SLC9A9: variants seen among roughly 807,000 people sequenced by gnomAD.
The protein encoded by SLC9A9 is solute carrier family 9 member A9, also known as sodium/hydrogen exchanger 9.
In SLC9A9, 62 loss-of-function variants were observed where a neutral mutation model predicts 77.8. The observed-to-expected ratio is 0.80, with a 90% CI of 0.65 to 0.98. The LOEUF (loss-of-function observed/expected upper bound fraction) is 0.98. Among genes scored for constraint, SLC9A9 ranks in the 50% least tolerant of loss-of-function variants. The pLI is 0.00. For missense variants in SLC9A9, 775 were observed against 774.9 expected (o/e 1.00, Z 0.00); for synonymous variants, 320 against 283.5 (o/e 1.13, Z -1.29).
rs1441617201 is a variant in SLC9A9, at chr3:143,537,772, C to T, written c.1089+14590G>A. On this transcript the variant is annotated intron_variant, in intron 9 of 15. Transcript: ENST00000316549. ...CCCCCCGAAACTTTACCATTTAGTG[C>T]CTCCCTTTCTCAGAGTGCAAGCATA... is the stretch of plus-strand genomic sequence containing the variant. Among the ~76,000 whole-genome samples, 6 of 152,258 alleles carry T rather than the reference C, an allele frequency of 3.9e-5. No homozygotes were observed. In the South Asian group the frequency reaches 6.2e-4, roughly 16 times the overall value.
chr3:143,795,790 C>T (rs2008369534), intron 3 of SLC9A9, among the ~76,000 whole-genome samples: 1 of 152,148 alleles, frequency 6.6e-6, no homozygotes, highest in Non-Finnish European at 1.5e-5. Flanking sequence ...AATGAGTCAG[C>T]CACAAAATGA....
chr3:143,801,821 T>C (rs970674930), intron 2 of SLC9A9, among the ~76,000 whole-genome samples: 1 of 152,218 alleles, frequency 6.6e-6, no homozygotes, highest in Non-Finnish European at 1.5e-5. Context: ...TACATGTCAA[T>C]ATTTATGCTG....
At chr3:143,835,007 G>A (rs1393125409) in intron 1 of SLC9A9, among the ~76,000 whole-genome samples, 2 of 152,120 alleles carry the variant, frequency 1.3e-5, no homozygotes, top group Non-Finnish European at 2.9e-5. Context: ...GGGATACTAA[G>A]GCAAGCAGAT....
chr3:143,624,342 T>G (rs2038277626), intron 6 of SLC9A9, among the ~76,000 whole-genome samples: 1 of 152,144 alleles, frequency 6.6e-6, no homozygotes, highest in African/African-American at 2.4e-5. Flanking sequence ...ATATCCCCGA[T>G]GAATATCAGT....
chr3:143,627,635 C>T, intron 6 of SLC9A9: 1 of 268,350 alleles, frequency 3.7e-6, no homozygotes. Context: ...TCCCAAAGGA[C>T]TGTGCTGTAC....
rs181030101 is a variant in SLC9A9, at chr3:143,518,572, T to C, written c.1090-23124A>G. Among the ~76,000 whole-genome samples the C allele has an allele frequency of 2.7e-3, 408 of 152,352 alleles. 2 individuals are homozygous for C. Among genetic ancestry groups the C allele is most frequent in the African/African-American group, 8.6e-3 (358 of 41,586 alleles). ...TCCCTGATTACCTTGCTTTTCACTA[T>C]ACTTTTATTGCATATCTTAGTATCA... On this transcript the variant is annotated intron_variant, in intron 9 of 15. Transcript: ENST00000316549.
At chr3:143,370,758 ATG>A (rs1162322106) in intron 13 of SLC9A9, among the ~76,000 whole-genome samples, 1 of 152,042 alleles carries the variant, frequency 6.6e-6, no homozygotes, top group Non-Finnish European at 1.5e-5. Flanking sequence ...AAGGAAAACA[ATG>A]TGTCTCCCTA....
intron 4 of SLC9A9, among the ~76,000 whole-genome samples, chr3:143,730,193 G>T (rs748211762): frequency 6.6e-6 from 1 of 152,204 alleles, no homozygotes; most frequent in Non-Finnish European, 1.5e-5. Context: ...GTGCCCACTT[G>T]TTGGGCCCCT....
At chr3:143,628,663 T>G (rs986301959) in intron 6 of SLC9A9, among the ~76,000 whole-genome samples, 1 of 152,196 alleles carries the variant, frequency 6.6e-6, no homozygotes, top group Non-Finnish European at 1.5e-5. Context: ...CATATTTTAG[T>G]CATTTAAATG....
At chr3:143,766,732 C>T (rs887658269) in intron 4 of SLC9A9, among the ~76,000 whole-genome samples, 1 of 152,038 alleles carries the variant, frequency 6.6e-6, no homozygotes. Flanking sequence ...CCTTGCCTGG[C>T]TAATTTTTAA....
intron 4 of SLC9A9, among the ~76,000 whole-genome samples, chr3:143,718,514 G>T (rs1934413079): frequency 6.6e-6 from 1 of 152,212 alleles, no homozygotes; most frequent in Non-Finnish European, 1.5e-5. Context: ...ATTGGATCAG[G>T]TTCAGCTGTG....
chr3:143,836,639 C>T (rs972184743), intron 1 of SLC9A9, among the ~76,000 whole-genome samples: 1 of 152,110 alleles, frequency 6.6e-6, no homozygotes, highest in Non-Finnish European at 1.5e-5. Flanking sequence ...GAGGAAACAG[C>T]CTCAGGAGTA....
At chr3:143,818,893 C>A (rs1295157861) in intron 2 of SLC9A9, among the ~76,000 whole-genome samples, 1 of 151,920 alleles carries the variant, frequency 6.6e-6, no homozygotes, top group East Asian at 1.9e-4. Flanking sequence ...ACCAGCCTGA[C>A]CAACATAGAG....
intron 12 of SLC9A9, among the ~76,000 whole-genome samples, chr3:143,411,339 C>G (rs1026663402): frequency 1.3e-5 from 2 of 152,104 alleles, no homozygotes; most frequent in Non-Finnish European, 2.9e-5. Context: ...AGCTTGGGTC[C>G]TACATTCAAT....
At chr3:143,458,317 C>A (rs1192138488) in intron 12 of SLC9A9, among the ~76,000 whole-genome samples, 2 of 152,012 alleles carry the variant, frequency 1.3e-5, no homozygotes, top group Non-Finnish European at 2.9e-5. Context: ...CTATCTATAT[C>A]ATTGTATTCA....
intron 2 of SLC9A9, among the ~76,000 whole-genome samples, chr3:143,803,488 G>T (rs1199107525): frequency 6.6e-6 from 1 of 152,092 alleles, no homozygotes; most frequent in African/African-American, 2.4e-5. Flanking sequence ...GGTTTACACT[G>T]TTTCTCCAAG....
At chr3:143,682,790 A>G (rs904611956) in intron 5 of SLC9A9, among the ~76,000 whole-genome samples, 1 of 152,134 alleles carries the variant, frequency 6.6e-6, no homozygotes, top group Non-Finnish European at 1.5e-5. Context: ...AGTCAGCAAC[A>G]TTATATCTTT....
At chr3:143,544,207 T>A (rs191768347) in intron 9 of SLC9A9, among the ~76,000 whole-genome samples, 1 of 152,266 alleles carries the variant, frequency 6.6e-6, no homozygotes. Context: ...TGGTCCTTTG[T>A]CCAATTTTCT....
chr3:143,461,060 T>C (rs1322662388), intron 12 of SLC9A9, among the ~76,000 whole-genome samples: 1 of 152,192 alleles, frequency 6.6e-6, no homozygotes, highest in Non-Finnish European at 1.5e-5. Flanking sequence ...ATACAAAGTA[T>C]ACAAATTTGC....
Sources: gnomAD v4.1 joint callset for allele counts (sites outside exome capture counted in the v4.1 genomes callset) on GRCh38, gnomAD v4.1.1 for gene constraint, MANE v1.5 for transcripts, NCBI Gene and HGNC (gene_info 2026-07-23, HGNC 2026-07-21) for gene names.